ADGRV1: variants seen among roughly 807,000 people sequenced by gnomAD.
ADGRV1 encodes adhesion G protein-coupled receptor V1.
Under a neutral mutation model 596.2 loss-of-function variants are expected in ADGRV1, and 359 were observed. The ratio of observed to expected loss-of-function variants is 0.60; its 90% CI spans 0.55 to 0.66. The LOEUF is 0.66. ADGRV1 is among the 30% of genes least tolerant of loss of function. The probability of loss-of-function intolerance (pLI) is 0.00; values close to 1 mark genes in which losing one functional copy is unlikely to be tolerated. For synonymous variants in ADGRV1, 2,681 were observed against 2,679.2 expected, an observed-to-expected ratio of 1.00 and a Z score of -0.02; for missense variants, 7,274 against 7,575.6, an observed-to-expected ratio of 0.96 and a Z score of 1.48.
intron 74 of ADGRV1, among the ~76,000 whole-genome samples, chr5:90,812,278 A>G (rs547189555): frequency 1.3e-5 from 2 of 152,182 alleles, no homozygotes; most frequent in African/African-American, 4.8e-5. Flanking sequence ...TCAATACCTT[A>G]TAGGAATTAG....
rs548342946 is a variant in ADGRV1, at chr5:90,929,225, C to T, written c.17857-36190C>T. The T allele has an allele frequency of 1.3e-4, 20 of 159,152 alleles. No individual in the cohort carries two copies. In the South Asian group the frequency reaches 3.1e-3, roughly 25 times the overall value. The allele number at this position is 159,152 out of a possible 1,614,324, so 9.9% of individuals were successfully genotyped here. A position where few individuals can be genotyped will look rare whatever the true frequency, so the allele number is the denominator to read the frequency against. On this transcript the variant is annotated intron_variant, in intron 83 of 89. Transcript: ENST00000405460. The stretch of plus-strand genomic sequence containing the variant: ...CCTGGGCAATGGCGGGCGCCCCTCC[C>T]CCAGCCTCGCTGCCGCCTTGCAGGT...
At chr5:90,570,534 G>A (rs529424694) in intron 1 of ADGRV1, among the ~76,000 whole-genome samples, 2 of 151,960 alleles carry the variant, frequency 1.3e-5, no homozygotes, top group Non-Finnish European at 2.9e-5. Context: ...TCTGTTGTTA[G>A]TCTTCTTCTG....
rs529617585 is a variant in ADGRV1 at position 90,835,168 on chromosome 5, C to A, written c.16612-5410C>A. Among the ~76,000 whole-genome samples, 2 of 152,272 alleles carry A rather than the reference C, an allele frequency of 1.3e-5. 1 individual carries two copies. The highest frequency in any genetic ancestry group is 4.1e-4 in the South Asian group (2 of 4,828). On this transcript the variant is annotated intron_variant, in intron 77 of 89. Coordinates refer to ENST00000405460, the MANE Select transcript of ADGRV1 (RefSeq NM_032119.4). ...ACAATCTGGGCTTATTTTTACCCAT[C>A]CTTCTTGGGAAGTTTTTCCAGATAT...
intron 85 of ADGRV1, chr5:91,030,955 G>A: frequency 1.8e-6 from 2 of 1,098,032 alleles, no homozygotes; most frequent in African/African-American, 3.2e-5. Context: ...TGGCAGTTTT[G>A]TAATCAAAGG....
At chr5:91,093,238 C>G (rs1034705895) in intron 86 of ADGRV1, among the ~76,000 whole-genome samples, 7 of 152,224 alleles carry the variant, frequency 4.6e-5, no homozygotes, top group African/African-American at 1.7e-4. Context: ...GCAGATCTAT[C>G]TATCCCTCGA....
chr5:90,608,539 A>G (rs1762372815), intron 1 of ADGRV1, among the ~76,000 whole-genome samples: 1 of 151,998 alleles, frequency 6.6e-6, no homozygotes, highest in Non-Finnish European at 1.5e-5. Context: ...AAATTCTGAA[A>G]GAAAATTATT....
intron 1 of ADGRV1, among the ~76,000 whole-genome samples, chr5:90,604,639 T>C (rs1761845188): frequency 6.6e-6 from 1 of 152,186 alleles, no homozygotes; most frequent in Non-Finnish European, 1.5e-5. Flanking sequence ...CTTCATAATA[T>C]GTGAAATTGT....
At chr5:90,753,948 C>A in intron 54 of ADGRV1, 119 bp downstream of exon 54, 3 of 955,086 alleles carry the variant, frequency 3.1e-6, no homozygotes, top group Non-Finnish European at 4.5e-6. Flanking sequence ...TTTGGCAGGT[C>A]ATACTCAATC....
intron 1 of ADGRV1, among the ~76,000 whole-genome samples, chr5:90,598,209 A>G (rs937758505): frequency 2.6e-5 from 4 of 152,202 alleles, no homozygotes; most frequent in African/African-American, 7.2e-5. Flanking sequence ...CACGCCTTCA[A>G]TTATGCCTGG....
intron 58 of ADGRV1, among the ~76,000 whole-genome samples, chr5:90,761,553 C>T (rs865852529): frequency 6.6e-6 from 1 of 151,460 alleles, no homozygotes; most frequent in South Asian, 2.1e-4. Context: ...TCTACTTTTA[C>T]TGTTAGAGAA....
rs2150124298 is a variant in ADGRV1, at chr5:90,788,301, T to C, written c.13884T>C (p.Val4628=). Residue 4628 remains valine, a synonymous_variant, in exon 68 of 90, where the codon GTT becomes GTC. Transcript: ENST00000405460. ...AATTAGACTCCAGAGCTAAAGATGT[T>C]ACATTAACCGTATGTATGGCTTTAT... ...EAKLDSRAKD[V]TLTIQEFGDP... 6.2e-7 allele frequency: 1 copy of C among 1,611,304 alleles called. No homozygotes were observed. Among genetic ancestry groups the C allele is most frequent in the African/African-American group, 1.3e-5 (1 of 75,006 alleles).
At position 90,564,623 on chromosome 5, in the gene ADGRV1, ATATTTTTT is replaced by A. The variant is rs1755314413; in HGVS notation, c.22+5708_22+5715del. On this transcript the variant is annotated intron_variant, in intron 1 of 89. Coordinates refer to ENST00000405460, the MANE Select transcript of ADGRV1 (RefSeq NM_032119.4). Reference sequence around the variant, plus strand: ...TTTCCATGGCGTTTAATATATATATATATTTTTTTTTTTTTTTTTTTGAGACGGAGTCT... The same window carrying A: ...TTTCCATGGCGTTTAATATATATATATTTTTTTTTTTTTGAGACGGAGTCT... Among the ~76,000 whole-genome samples the A allele has an allele frequency of 4.6e-5, 2 of 43,512 alleles. 1 individual carries two copies. Among genetic ancestry groups the A allele is most frequent in the African/African-American group, 3.2e-4 (2 of 6,246 alleles). The allele number at this position is 43,512 out of a possible 152,430, so 28.5% of individuals were successfully genotyped here. A position where few individuals can be genotyped will look rare whatever the true frequency, so the allele number is the denominator to read the frequency against.
At chr5:91,076,509 AAATT>A (rs1788865251) in intron 86 of ADGRV1, among the ~76,000 whole-genome samples, 1 of 152,206 alleles carries the variant, frequency 6.6e-6, no homozygotes, top group Non-Finnish European at 1.5e-5. Flanking sequence ...TTAAATGAAT[AAATT>A]AATAATCATC....
chr5:90,614,597 G>C, intron 1 of ADGRV1: 1 of 482,504 alleles, frequency 2.1e-6, no homozygotes, highest in Non-Finnish European at 3.8e-6. Context: ...TCTTGGTATA[G>C]AAGCTAAAAA....
At chr5:91,060,927 G>A (rs1367797616) in intron 85 of ADGRV1, among the ~76,000 whole-genome samples, 3 of 152,118 alleles carry the variant, frequency 2.0e-5, no homozygotes, top group Non-Finnish European at 4.4e-5. Context: ...GCCCTTTTGA[G>A]GAATCAAACC....
chr5:90,729,892 G>A, intron 50 of ADGRV1, 128 bp downstream of exon 50: 2 of 879,926 alleles, frequency 2.3e-6, no homozygotes, highest in Non-Finnish European at 3.5e-6. Flanking sequence ...TTGGAGATGG[G>A]GTCTAGCTGT....
intron 59 of ADGRV1, among the ~76,000 whole-genome samples, chr5:90,770,384 G>A (rs1419628543): frequency 2.0e-5 from 3 of 152,092 alleles, no homozygotes; most frequent in Middle Eastern, 3.2e-3. Context: ...GATGAGATTT[G>A]GGTGGGGACA....
chr5:91,027,189 ACT>A (rs1554199810), intron 85 of ADGRV1, among the ~76,000 whole-genome samples: 67 of 149,880 alleles, frequency 4.5e-4, no homozygotes, highest in South Asian at 1.5e-3. Context: ...ACACACACAC[ACT>A]GTCTAACTAG....
chr5:90,644,843 A>T lies in ADGRV1; in HGVS notation c.2872A>T (p.Ile958Phe). 6.2e-7 allele frequency: 1 copy of T among 1,607,450 alleles called. No individual in the cohort carries two copies. The highest frequency in any genetic ancestry group is 1.3e-5 in the African/African-American group (1 of 74,828). ...VFGDQEFSKNITIYSLPDEIP... is the reference protein window; with the variant it reads ...VFGDQEFSKNFTIYSLPDEIP... Reference sequence around the variant, plus strand: ...TGGAGATCAGGAATTTTCAAAAAATATCACCATTTACTCCCTTCCAGATGA... The same window carrying T: ...TGGAGATCAGGAATTTTCAAAAAATTTCACCATTTACTCCCTTCCAGATGA... The change falls in exon 15 of 90, where the codon ATC becomes TTC. Residue 958 changes from isoleucine (I) to phenylalanine (F), a missense_variant. By Grantham distance (21) the Ile-to-Phe change is conservative (BLOSUM62 0). Transcript: ENST00000405460.
Sources: gnomAD v4.1 joint callset for allele counts (sites outside exome capture counted in the v4.1 genomes callset) on GRCh38, gnomAD v4.1.1 for gene constraint, MANE v1.5 for transcripts, NCBI Gene and HGNC (gene_info 2026-07-23, HGNC 2026-07-21) for gene names.